TMEM245: variants seen among roughly 807,000 people sequenced by gnomAD.
TMEM245 encodes protein CG-2.
Under a neutral mutation model 101.2 loss-of-function variants are expected in TMEM245, and 69 were observed. That is an observed-to-expected ratio of 0.68 (90% CI 0.56 to 0.83). The LOEUF (loss-of-function observed/expected upper bound fraction) is 0.83, where lower values mean the gene tolerates loss of function less well. Ranked by LOEUF, TMEM245 falls within the 40% of genes least tolerant of loss-of-function variation. The pLI is 0.00. For synonymous variants in TMEM245, 537 were observed against 449.8 expected (o/e 1.19, Z -2.45); for missense variants, 1,075 against 1,092.8 (o/e 0.98, Z 0.23).
intron 17 of TMEM245, among the ~76,000 whole-genome samples, chr9:109,030,055 C>T (rs1376316715): frequency 6.6e-6 from 1 of 152,118 alleles, no homozygotes; most frequent in South Asian, 2.1e-4. Flanking sequence ...CCAGTATCAC[C>T]GTTTGTTTTG....
At chr9:109,025,315 C>T (rs1827761683) in intron 17 of TMEM245, among the ~76,000 whole-genome samples, 1 of 152,162 alleles carries the variant, frequency 6.6e-6, no homozygotes, top group African/African-American at 2.4e-5. Flanking sequence ...CAAACGATCG[C>T]CTGCCTTGGC....
chr9:109,039,769 G>A (rs1828248029), intron 14 of TMEM245, among the ~76,000 whole-genome samples: 1 of 151,986 alleles, frequency 6.6e-6, no homozygotes, highest in African/African-American at 2.4e-5. Flanking sequence ...AAAATCACTA[G>A]AGTGCAGTAT....
At chr9:109,089,160 C>T (rs1232597996) in intron 5 of TMEM245, among the ~76,000 whole-genome samples, 5 of 151,518 alleles carry the variant, frequency 3.3e-5, no homozygotes, top group Admixed American at 1.3e-4. Flanking sequence ...ATCTGAGGGG[C>T]TGAGGCAGGA....
chr9:109,094,263 A>G (rs1830082130), intron 3 of TMEM245, among the ~76,000 whole-genome samples: 1 of 152,242 alleles, frequency 6.6e-6, no homozygotes, highest in Non-Finnish European at 1.5e-5. Context: ...AACCTTCTAT[A>G]GCAGACAAGG....
In TMEM245 at chr9:109,093,562, T is replaced by C. The variant is rs761417588; in HGVS notation, c.829A>G (p.Met277Val). Reference sequence around the variant, plus strand: ...AAGTTTGCCAGAGTAGAAGCTGCCATGGAGATAACCTGCCCTGGTAACTCT... The same window carrying C: ...AAGTTTGCCAGAGTAGAAGCTGCCACGGAGATAACCTGCCCTGGTAACTCT... ...GAELPGQVIS[M>V]AASTLANLAI... is the part of the protein sequence containing the mutation. Residue 277 changes from methionine (M) to valine (V), a missense_variant, in exon 4 of 18, where the codon ATG (methionine) becomes GTG (valine). Physicochemically the swap from Met to Val is conservative, Grantham distance 21. Transcript: ENST00000374586. 5 of 1,614,096 alleles carry C rather than the reference T, an allele frequency of 3.1e-6. No homozygotes were observed. The South Asian group carries it at 3.3e-5, about 11-fold the overall frequency.
intron 2 of TMEM245, among the ~76,000 whole-genome samples, chr9:109,107,882 TC>T (rs1830469306): frequency 6.6e-6 from 1 of 152,164 alleles, no homozygotes; most frequent in Non-Finnish European, 1.5e-5. Context: ...ACATGAATCA[TC>T]CTTATGTGGA....
At chr9:109,050,466 A>G (rs1293534063) in intron 13 of TMEM245, 38 bp from the exon 14 acceptor site, 2 of 1,612,572 alleles carry the variant, frequency 1.2e-6, no homozygotes, top group African/African-American at 2.7e-5. Context: ...AAAAAATCGT[A>G]TTTGGAAACT....
At position 109,038,128 on chromosome 9, in the gene TMEM245, C is replaced by G. The variant is rs1564173504; in HGVS notation, c.2124-11G>C. 6.2e-7 allele frequency: 1 copy of G among 1,601,580 alleles called. No homozygotes were observed. The highest frequency in any genetic ancestry group is 1.1e-5 in the South Asian group (1 of 89,468). On this transcript the variant is annotated splice_polypyrimidine_tract_variant and intron_variant, in intron 14 of 17. Transcript: ENST00000374586. ...GCATCAAACACCCCTCTGGAATGCC[C>G]AAAGATAAAAAGAAAGAGTAAATAA...
intron 8 of TMEM245, among the ~76,000 whole-genome samples, chr9:109,075,134 G>A (rs893880284): frequency 6.6e-6 from 1 of 152,182 alleles, no homozygotes; most frequent in Admixed American, 6.5e-5. Flanking sequence ...GGACAGTAGC[G>A]GTACTGAGAA....
At chr9:109,049,289 T>G (rs1828600393) in intron 14 of TMEM245, among the ~76,000 whole-genome samples, 1 of 152,220 alleles carries the variant, frequency 6.6e-6, no homozygotes, top group Non-Finnish European at 1.5e-5. Context: ...CCAAGTTCAC[T>G]GCAGCCTCCA....
chr9:109,117,166 G>C (rs751775741), intron 1 of TMEM245, among the ~76,000 whole-genome samples: 147 of 151,978 alleles, frequency 9.7e-4, no homozygotes, highest in Non-Finnish European at 1.9e-3. Flanking sequence ...ATGGAGTGCA[G>C]TGGTGCAATC....
chr9:109,119,885 G>C lies in TMEM245; in HGVS notation c.29C>G (p.Ala10Gly). ...CCCGGGAGAGCTCCGCAGGCTTGGC[G>C]CGTCCTTAGGGCCGCCGCCGTCGGC... MADGGGPKD[A>G]PSLRSSPGPA... The change falls in exon 1 of 18, where the codon GCG (alanine) becomes GGG (glycine). Residue 10 changes from alanine to glycine, a missense_variant. Physicochemically the swap from Ala to Gly is moderately conservative, Grantham distance 60. Transcript: ENST00000374586. 1.5e-6 allele frequency: 2 copies of C among 1,300,336 alleles called. No homozygotes were observed. Among genetic ancestry groups the C allele is most frequent in the Non-Finnish European group, 1.9e-6 (2 of 1,032,752 alleles). 80.5% of individuals were successfully genotyped at this position (1,300,336 alleles called of 1,614,324 possible).
chr9:109,093,319 T>C (rs182450584), intron 4 of TMEM245, among the ~76,000 whole-genome samples, 156 bp downstream of exon 4: 23 of 151,916 alleles, frequency 1.5e-4, no homozygotes, highest in Non-Finnish European at 2.9e-4. Context: ...AGAACAAAGA[T>C]GAGAGGGAAA....
intron 7 of TMEM245, 75 bp from the exon 8 acceptor site, chr9:109,081,018 A>G: frequency 1.0e-6 from 1 of 965,158 alleles, no homozygotes; most frequent in East Asian, 2.4e-5. Flanking sequence ...AATTGTCATA[A>G]AGACAAAACA....
chr9:109,099,242 C>A (rs753606621), intron 3 of TMEM245, among the ~76,000 whole-genome samples: 1 of 152,174 alleles, frequency 6.6e-6, no homozygotes, highest in Non-Finnish European at 1.5e-5. Flanking sequence ...GTAGACTTTT[C>A]TCTAGGCCTG....
At chr9:109,097,374 G>A (rs551676528) in intron 3 of TMEM245, among the ~76,000 whole-genome samples, 5 of 152,288 alleles carry the variant, frequency 3.3e-5, no homozygotes, top group East Asian at 3.9e-4. Flanking sequence ...GCAGAGTGGC[G>A]TAAGAATGCA....
chr9:109,119,391 G>A lies in TMEM245; in HGVS notation c.523C>T (p.Leu175=). The A allele has an allele frequency of 2.0e-6, 3 of 1,528,588 alleles. No homozygotes were observed. Among genetic ancestry groups the A allele is most frequent in the Non-Finnish European group, 2.6e-6 (3 of 1,142,084 alleles). 94.7% of individuals were successfully genotyped at this position (1,528,588 alleles called of 1,614,324 possible). A position where few individuals can be genotyped will look rare whatever the true frequency, so the allele number is the denominator to read the frequency against. ...LGSYLGVQVL[L]VHAATLICRG... ...CAGATGAGCGTGGCAGCGTGCACCA[G>A]CAGCACCTGCACGCCCAAGTAGCTG... Residue 175 remains leucine, a synonymous_variant, in exon 1 of 18, where the codon CTG becomes TTG. Coordinates refer to ENST00000374586, the MANE Select transcript of TMEM245 (RefSeq NM_032012.4).
At chr9:109,090,808 T>C in intron 5 of TMEM245, 114 bp downstream of exon 5, 4 of 876,282 alleles carry the variant, frequency 4.6e-6, no homozygotes, top group South Asian at 3.7e-5. Flanking sequence ...AAACATAAGA[T>C]TGTTTTACTT....
intron 8 of TMEM245, among the ~76,000 whole-genome samples, chr9:109,073,837 G>C (rs556451964): frequency 2.8e-4 from 41 of 148,674 alleles, no homozygotes; most frequent in South Asian, 1.9e-3. Context: ...GGCAAATAAG[G>C]AACTAACTTT....
Sources: allele counts gnomAD v4.1 joint callset (sites outside exome capture counted in the v4.1 genomes callset), GRCh38; gene constraint gnomAD v4.1.1; transcripts MANE v1.5; gene names NCBI Gene and HGNC (gene_info 2026-07-23, HGNC 2026-07-21).